Variants in EPHA6 observed in about 807,000 individuals in gnomAD.
EPHA6 encodes the protein ephrin type-A receptor 6.
EPHA6 carries 50 observed loss-of-function variants against 112.0 expected under a neutral mutation model. The observed-to-expected ratio is 0.45, with a 90% confidence interval of 0.36 to 0.56. The LOEUF is 0.56. EPHA6 is among the 20% of genes least tolerant of loss of function. The pLI is 0.00. For missense variants in EPHA6, 1,280 were observed against 1,417.4 expected, an observed-to-expected ratio of 0.90 and a Z score of 1.56; for synonymous variants, 529 against 490.7, an observed-to-expected ratio of 1.08 and a Z score of -1.03.
chr3:97,679,918 T>G (rs1199348164), intron 14 of EPHA6, among the ~76,000 whole-genome samples: 1 of 152,144 alleles, frequency 6.6e-6, no homozygotes, highest in Non-Finnish European at 1.5e-5. Flanking sequence ...CAGGCAACCT[T>G]TTGCTTGCCT....
intron 11 of EPHA6, among the ~76,000 whole-genome samples, chr3:97,551,870 G>A (rs1405503503): frequency 6.6e-6 from 1 of 152,104 alleles, no homozygotes; most frequent in African/African-American, 2.4e-5. Context: ...CTACTGGAGG[G>A]ACTTGAGCAA....
intron 5 of EPHA6, among the ~76,000 whole-genome samples, chr3:97,287,656 C>T (rs1447218317): frequency 6.6e-6 from 1 of 152,066 alleles, no homozygotes; most frequent in African/African-American, 2.4e-5. Flanking sequence ...TTGTTTCTAT[C>T]TATTGTGATG....
At position 96,858,100 on chromosome 3, in the gene EPHA6, T is replaced by C. The variant is rs572555885; in HGVS notation, c.386-8725T>C. Reference sequence around the variant, plus strand: ...AAAAACACCATTGTTCTTAGATCTCTCTTGAATACTCGTCAAGTGGATTAA... The same window carrying C: ...AAAAACACCATTGTTCTTAGATCTCCCTTGAATACTCGTCAAGTGGATTAA... On this transcript the variant is annotated intron_variant, in intron 1 of 17. Coordinates refer to ENST00000389672, the MANE Select transcript of EPHA6 (RefSeq NM_001080448.3). Among the ~76,000 whole-genome samples the C allele has an allele frequency of 1.9e-4, 29 of 152,238 alleles. No homozygotes were observed. The East Asian group carries it at 5.4e-3, about 28-fold the overall frequency.
chr3:97,009,947 A>G, intron 3 of EPHA6: 1 of 523,624 alleles, frequency 1.9e-6, no homozygotes, highest in South Asian at 1.5e-5. Context: ...GAACCTGGTT[A>G]CCTTGGTTGC....
chr3:97,579,752 C>T (rs978960190), intron 11 of EPHA6, among the ~76,000 whole-genome samples: 1 of 152,148 alleles, frequency 6.6e-6, no homozygotes, highest in African/African-American at 2.4e-5. Flanking sequence ...GCATCACTAT[C>T]CTCTAGATTC....
intron 14 of EPHA6, among the ~76,000 whole-genome samples, chr3:97,639,703 A>G (rs951755384): frequency 6.6e-6 from 1 of 152,192 alleles, no homozygotes; most frequent in Admixed American, 6.5e-5. Flanking sequence ...ATGCATACGT[A>G]AGTTTTGTTA....
chr3:97,157,826 A>G (rs2076324306), intron 3 of EPHA6, among the ~76,000 whole-genome samples: 1 of 152,104 alleles, frequency 6.6e-6, no homozygotes, highest in African/African-American at 2.4e-5. Flanking sequence ...TACATTAGGG[A>G]GGGGTATCTT....
chr3:97,367,001 T>C (rs1032895905), intron 5 of EPHA6, among the ~76,000 whole-genome samples: 8 of 152,142 alleles, frequency 5.3e-5, no homozygotes, highest in Non-Finnish European at 1.0e-4. Context: ...GATATTACCA[T>C]CCTCTTATGA....
chr3:97,520,087 C>T (rs1259377435), intron 10 of EPHA6, among the ~76,000 whole-genome samples: 1 of 151,660 alleles, frequency 6.6e-6, no homozygotes, highest in Non-Finnish European at 1.5e-5. Context: ...CCTGCCTCAG[C>T]CTCCTGAGTA....
intron 5 of EPHA6, among the ~76,000 whole-genome samples, chr3:97,316,019 T>G (rs1156928693): frequency 6.6e-6 from 1 of 151,892 alleles, no homozygotes; most frequent in African/African-American, 2.4e-5. Flanking sequence ...ATTTATTTGC[T>G]CAAACATATA....
At chr3:97,669,448 G>GA (rs1445044890) in intron 14 of EPHA6, among the ~76,000 whole-genome samples, 5 of 151,550 alleles carry the variant, frequency 3.3e-5, no homozygotes, top group Non-Finnish European at 5.9e-5. Flanking sequence ...CACCTGTTTA[G>GA]AAAAAATCCA....
intron 4 of EPHA6, among the ~76,000 whole-genome samples, chr3:97,231,261 G>A (rs2078516681): frequency 6.6e-6 from 1 of 152,114 alleles, no homozygotes; most frequent in South Asian, 2.1e-4. Context: ...CCAGACCCAG[G>A]AAGCTTTCTT....
At chr3:97,277,234 C>G (rs950370336) in intron 5 of EPHA6, among the ~76,000 whole-genome samples, 4 of 151,190 alleles carry the variant, frequency 2.6e-5, no homozygotes, top group African/African-American at 7.3e-5. Flanking sequence ...AGAGAGTCAG[C>G]GAAGGGAGAT....
intron 2 of EPHA6, among the ~76,000 whole-genome samples, chr3:96,953,009 TAAAGTA>T (rs950090460): frequency 6.6e-6 from 1 of 152,172 alleles, no homozygotes; most frequent in East Asian, 1.9e-4. Flanking sequence ...CCCCTAAATT[TAAAGTA>T]AAAGTTTTTA....
At chr3:96,981,829 A>G (rs1488518137) in intron 2 of EPHA6, among the ~76,000 whole-genome samples, 2 of 152,120 alleles carry the variant, frequency 1.3e-5, no homozygotes, top group East Asian at 3.9e-4. Context: ...TAGATTTTCT[A>G]GTTTATTTGC....
At chr3:96,917,418 C>CAA (rs5851049) in intron 2 of EPHA6, among the ~76,000 whole-genome samples, 69 of 57,544 alleles carry the variant, frequency 1.2e-3, no homozygotes, top group Middle Eastern at 0.012. Context: ...GACTCCATCT[C>CAA]AAAAAAAAAA....
At chr3:97,594,403 C>G (rs1422736223) in intron 12 of EPHA6, among the ~76,000 whole-genome samples, 2 of 152,150 alleles carry the variant, frequency 1.3e-5, no homozygotes, top group Non-Finnish European at 2.9e-5. Context: ...GGAGAGAAAA[C>G]TCAGTTCAGT....
chr3:97,623,534 C>T (rs574612307), intron 13 of EPHA6, among the ~76,000 whole-genome samples: 1 of 151,816 alleles, frequency 6.6e-6, no homozygotes, highest in Non-Finnish European at 1.5e-5. Context: ...TAATGGCTTA[C>T]TATCCTTCTA....
intron 3 of EPHA6, among the ~76,000 whole-genome samples, chr3:97,174,352 A>G (rs1331465507): frequency 2.0e-5 from 3 of 151,938 alleles, no homozygotes; most frequent in Non-Finnish European, 2.9e-5. Context: ...CAGTGCTGCA[A>G]CAAACATAGG....
Sources: allele counts gnomAD v4.1 joint callset (sites outside exome capture counted in the v4.1 genomes callset), GRCh38; gene constraint gnomAD v4.1.1; transcripts MANE v1.5; gene names NCBI Gene and HGNC (gene_info 2026-07-23, HGNC 2026-07-21).